Variants in SH3RF3 observed in about 807,000 individuals in gnomAD.
The protein encoded by SH3RF3 is SH3 domain containing ring finger 3, also known as E3 ubiquitin-protein ligase SH3RF3.
SH3RF3 carries 29 observed loss-of-function variants against 66.3 expected under a neutral mutation model. The observed-to-expected ratio is 0.44, with a 90% confidence interval of 0.33 to 0.60. The LOEUF is 0.60. Among genes scored for constraint, SH3RF3 ranks in the 20% least tolerant of loss-of-function variants. The pLI, the probability that SH3RF3 is intolerant of heterozygous loss-of-function variation, is 0.04. For missense variants in SH3RF3, 1,194 were observed against 1,190.9 expected (o/e 1.00, Z -0.04); for synonymous variants, 583 against 532.0 (o/e 1.10, Z -1.32).
At chr2:109,386,239 C>T (rs1675819394) in intron 3 of SH3RF3, among the ~76,000 whole-genome samples, 2 of 152,342 alleles carry the variant, frequency 1.3e-5, no homozygotes, top group East Asian at 3.9e-4. Context: ...TCTCCCCAGT[C>T]CCTGAGGATG....
chr2:109,225,800 C>G (rs1483560534), intron 1 of SH3RF3, among the ~76,000 whole-genome samples: 1 of 152,260 alleles, frequency 6.6e-6, no homozygotes, highest in Non-Finnish European at 1.5e-5. Flanking sequence ...GGGTCTCGCT[C>G]TGTTGCCCGG....
intron 1 of SH3RF3, among the ~76,000 whole-genome samples, chr2:109,267,609 G>A (rs1354973253): frequency 1.3e-5 from 2 of 152,170 alleles, no homozygotes; most frequent in Non-Finnish European, 2.9e-5. Flanking sequence ...GGGTGGACCA[G>A]GCTGAGGGAG....
At chr2:109,249,519 T>TTTC (rs1680016665) in intron 1 of SH3RF3, among the ~76,000 whole-genome samples, 1 of 61,900 alleles carries the variant, frequency 1.6e-5, no homozygotes. Flanking sequence ...CATTCTTTCT[T>TTTC]TTTCTTTCTT....
chr2:109,278,463 C>T (rs1055997309), intron 1 of SH3RF3, among the ~76,000 whole-genome samples: 10 of 152,100 alleles, frequency 6.6e-5, no homozygotes, highest in Admixed American at 2.0e-4. Flanking sequence ...TAAATGTGCC[C>T]GATGAACAAA....
At chr2:109,496,588 G>C (rs1420817616) in intron 9 of SH3RF3, among the ~76,000 whole-genome samples, 2 of 152,310 alleles carry the variant, frequency 1.3e-5, no homozygotes, top group Non-Finnish European at 2.9e-5. Flanking sequence ...CCTTTGACCT[G>C]CTTCTCCCCA....
chr2:109,483,431 G>T (rs1181602019), intron 8 of SH3RF3, among the ~76,000 whole-genome samples: 1 of 152,164 alleles, frequency 6.6e-6, no homozygotes, highest in Non-Finnish European at 1.5e-5. Flanking sequence ...TCGGTGCCCA[G>T]CAAGAAAAGG....
rs991790751 is a variant in SH3RF3, at chr2:109,312,886, G to A, written c.574-34788G>A. Among the ~76,000 whole-genome samples, 8 of 152,276 alleles carry A rather than the reference G, an allele frequency of 5.3e-5. No individual in the cohort carries two copies. The South Asian group carries it at 1.7e-3, about 32-fold the overall frequency. On this transcript the variant is annotated intron_variant, in intron 1 of 9. Coordinates refer to ENST00000309415, the MANE Select transcript of SH3RF3 (RefSeq NM_001099289.3). ...GTCTTAGATTTTGGGTGTATACCTA[G>A]GAATGGACTTGCTGGGTCACGTGGT...
At chr2:109,146,603 C>T (rs1677102429) in intron 1 of SH3RF3, among the ~76,000 whole-genome samples, 1 of 152,176 alleles carries the variant, frequency 6.6e-6, no homozygotes. Context: ...AGGCCCAGCC[C>T]TTCCTCCACC....
At chr2:109,234,605 G>A (rs1679600000) in intron 1 of SH3RF3, among the ~76,000 whole-genome samples, 1 of 152,330 alleles carries the variant, frequency 6.6e-6, no homozygotes, top group South Asian at 2.1e-4. Flanking sequence ...AACAATAAAT[G>A]TTTGTTTCTC....
intron 1 of SH3RF3, among the ~76,000 whole-genome samples, chr2:109,309,515 T>C (rs1681678162): frequency 7.8e-6 from 1 of 128,814 alleles, no homozygotes; most frequent in African/African-American, 3.8e-5. Flanking sequence ...TAACTTTAAA[T>C]GTAAATGGAC....
chr2:109,499,715 C>G (rs1311674252), intron 9 of SH3RF3, among the ~76,000 whole-genome samples: 1 of 152,198 alleles, frequency 6.6e-6, no homozygotes, highest in Non-Finnish European at 1.5e-5. Context: ...CTTGTTCCTC[C>G]TCCTCTGTGG....
At chr2:109,296,443 T>C (rs1681311116) in intron 1 of SH3RF3, among the ~76,000 whole-genome samples, 1 of 151,918 alleles carries the variant, frequency 6.6e-6, no homozygotes, top group Non-Finnish European at 1.5e-5. Context: ...GGTTTTACCA[T>C]GTTGTTCAAG....
intron 2 of SH3RF3, among the ~76,000 whole-genome samples, chr2:109,350,495 A>G (rs1000058547): frequency 6.6e-6 from 1 of 152,188 alleles, no homozygotes; most frequent in Non-Finnish European, 1.5e-5. Context: ...CCATGCTCCT[A>G]TGCCCACTTT....
Position 109,129,848 on chromosome 2 carries a change from G to T in SH3RF3, c.308G>T (p.Cys103Phe), listed in dbSNP as rs1574464741. The change falls in exon 1 of 10, where the codon TGC (cysteine) becomes TTC (phenylalanine). Residue 103 changes from cysteine (C) to phenylalanine (F), a missense_variant. By Grantham distance (205) the Cys-to-Phe change is radical (BLOSUM62 -2). Coordinates refer to ENST00000309415, the MANE Select transcript of SH3RF3 (RefSeq NM_001099289.3). ...RCPECRILVGCGVDELPANIL... is the reference protein window; with the variant it reads ...RCPECRILVGFGVDELPANIL... ...CCCGAGTGCCGCATCCTGGTGGGCT[G>T]CGGCGTGGACGAACTGCCCGCCAAC... 6.5e-7 allele frequency: 1 copy of T among 1,530,794 alleles called. No homozygotes were observed. The allele number at this position is 1,530,794 out of a possible 1,614,324, so 94.8% of individuals were successfully genotyped here.
chr2:109,491,237 G>A (rs1394088779), intron 9 of SH3RF3, among the ~76,000 whole-genome samples: 1 of 152,154 alleles, frequency 6.6e-6, no homozygotes, highest in Non-Finnish European at 1.5e-5. Context: ...GGGAGACTAG[G>A]CAGTGAGTGG....
intron 1 of SH3RF3, among the ~76,000 whole-genome samples, chr2:109,220,929 A>G (rs1045783774): frequency 1.3e-5 from 2 of 152,250 alleles, no homozygotes; most frequent in African/African-American, 4.8e-5. Context: ...CTTATACCCA[A>G]ATGAATTGTG....
At chr2:109,250,175 C>T (rs1558982150) in intron 1 of SH3RF3, among the ~76,000 whole-genome samples, 1 of 151,226 alleles carries the variant, frequency 6.6e-6, no homozygotes, top group Admixed American at 6.6e-5. Flanking sequence ...TTCTCCACTC[C>T]TAGGAATGTT....
intron 1 of SH3RF3, among the ~76,000 whole-genome samples, chr2:109,190,339 A>G (rs1574494717): frequency 6.6e-6 from 1 of 152,166 alleles, no homozygotes; most frequent in Non-Finnish European, 1.5e-5. Flanking sequence ...ACGCCTGGCT[A>G]ATTTTTGTAC....
chr2:109,434,380 C>T (rs901725080), intron 6 of SH3RF3, among the ~76,000 whole-genome samples: 1 of 152,244 alleles, frequency 6.6e-6, no homozygotes, highest in Non-Finnish European at 1.5e-5. Context: ...TCTGATTCTT[C>T]CTTTATCTTT....
Sources: allele counts gnomAD v4.1 joint callset (sites outside exome capture counted in the v4.1 genomes callset), GRCh38; gene constraint gnomAD v4.1.1; transcripts MANE v1.5; gene names NCBI Gene and HGNC (gene_info 2026-07-23, HGNC 2026-07-21).